The following FBXW12 variants were observed in gnomAD, a reference collection of about 807,000 sequenced individuals.
The protein encoded by FBXW12 is F-box and WD repeat domain containing 12.
FBXW12 carries 43 observed loss-of-function variants against 55.3 expected under a neutral mutation model. The ratio of observed to expected loss-of-function variants is 0.78; its 90% CI spans 0.61 to 1.00. The LOEUF is 1.00. FBXW12 is among the 50% of genes least tolerant of loss of function. The probability of loss-of-function intolerance (pLI) is 0.00; values close to 1 mark genes in which losing one functional copy is unlikely to be tolerated. For missense variants in FBXW12, 524 were observed against 560.5 expected (o/e 0.93, Z 0.66); for synonymous variants, 184 against 203.8 (o/e 0.90, Z 0.83).
At chr3:48,381,391 T>C (rs1169743073) in intron 8 of FBXW12, among the ~76,000 whole-genome samples, 1 of 152,110 alleles carries the variant, frequency 6.6e-6, no homozygotes, top group East Asian at 1.9e-4. Context: ...TGCTGATCTC[T>C]ACCCCCACCC....
intron 7 of FBXW12, 94 bp from the exon 8 acceptor site, chr3:48,380,608 A>T: frequency 1.1e-6 from 1 of 896,086 alleles, no homozygotes; most frequent in Non-Finnish European, 1.8e-6. Context: ...TGGCCACAAG[A>T]TGAGAATTTC....
At position 48,373,721 on chromosome 3, in the gene FBXW12, C is replaced by T. The variant is rs912241569; in HGVS notation, c.286+16C>T. The stretch of plus-strand genomic sequence containing the variant: ...AAGAACATCGGTATGGGTATAGGTG[C>T]CCTAGAGGAACATGAGCAGCTTGTT... On this transcript the variant is annotated intron_variant, in intron 4 of 10. Coordinates refer to ENST00000296438, the MANE Select transcript of FBXW12 (RefSeq NM_207102.2). 10 of 1,600,744 alleles carry T rather than the reference C, an allele frequency of 6.2e-6. No homozygotes were observed. The highest frequency in any genetic ancestry group is 1.7e-4 in the Middle Eastern group (1 of 6,040).
chr3:48,373,748 T>C, intron 4 of FBXW12, 43 bp downstream of exon 4: 3 of 1,550,844 alleles, frequency 1.9e-6, no homozygotes, highest in Non-Finnish European at 2.7e-6. Context: ...CAGCTTGTTT[T>C]CAGAGGTCCA....
chr3:48,381,855 G>T lies in FBXW12; in HGVS notation c.1141G>T (p.Ala381Ser). 6.2e-7 allele frequency: 1 copy of T among 1,607,764 alleles called. No individual in the cohort carries two copies. Residue 381 changes from alanine (A) to serine (S), a missense_variant, in exon 9 of 11, where the codon GCA (alanine) becomes TCA (serine). Coordinates refer to ENST00000296438, the MANE Select transcript of FBXW12 (RefSeq NM_207102.2). The stretch of plus-strand genomic sequence containing the variant: ...GCTGCAACGATTTGAGGACCATCAG[G>T]CAGCCATCAACAACTTCTGGGTGGT... ...FLLQRFEDHQ[A>S]AINNFWVDPC...
chr3:48,383,883 G>A (rs1453067787), intron 10 of FBXW12, among the ~76,000 whole-genome samples: 1 of 152,144 alleles, frequency 6.6e-6, no homozygotes, highest in African/African-American at 2.4e-5. Flanking sequence ...ACATGGGTTA[G>A]TTTTGAGACT....
Position 48,381,975 on chromosome 3 carries a change from C to G in FBXW12, c.1185C>G (p.Thr395=), listed in dbSNP as rs770722915. 44 of 1,614,060 alleles carry G rather than the reference C, an allele frequency of 2.7e-5. No individual in the cohort carries two copies. The highest frequency in any genetic ancestry group is 5.0e-5 in the Admixed American group (3 of 60,002). ...GGAAGGATCCTTGCTATGTGCTCAC[C>G]ACATCCGAGAACTCTGTGCACGTGT... ...NFWVDPCYVL[T]TSENSVHVYM... Residue 395 remains threonine, a synonymous_variant, in exon 10 of 11, where the codon ACC becomes ACG. Coordinates refer to ENST00000296438, the MANE Select transcript of FBXW12 (RefSeq NM_207102.2).
At chr3:48,391,353 C>CATAT (rs1247795372) in intron 10 of FBXW12, among the ~76,000 whole-genome samples, 1 of 133,726 alleles carries the variant, frequency 7.5e-6, no homozygotes, top group African/African-American at 2.8e-5. Flanking sequence ...CACACACACA[C>CATAT]ACATATATAT....
chr3:48,373,655 T>C lies in FBXW12; in HGVS notation c.236T>C (p.Leu79Ser). Residue 79 changes from leucine to serine, a missense_variant, in exon 4 of 11, where the codon TTG (leucine) becomes TCG (serine). Coordinates refer to ENST00000296438, the MANE Select transcript of FBXW12 (RefSeq NM_207102.2). ...CATCAAAGAAGGAAGGAGCTTCGGTTGGCATTGGCACAGCCGCATAACTTT... is the reference window on the plus strand; with the variant it reads ...CATCAAAGAAGGAAGGAGCTTCGGTCGGCATTGGCACAGCCGCATAACTTT... ...FLHQRRKELR[L>S]ALAQPHNFIY... The C allele has an allele frequency of 6.2e-7, 1 of 1,614,164 alleles. No individual in the cohort carries two copies. The highest frequency in any genetic ancestry group is 8.5e-7 in the Non-Finnish European group (1 of 1,180,026).
At chr3:48,373,367 G>C in intron 3 of FBXW12, 22 bp downstream of exon 3, 1 of 1,614,148 alleles carries the variant, frequency 6.2e-7, no homozygotes, top group Non-Finnish European at 8.5e-7. Context: ...GAAAGGGCAA[G>C]GAGGGAAGGG....
At chr3:48,382,358 G>A (rs985578012) in intron 10 of FBXW12, among the ~76,000 whole-genome samples, 8 of 152,142 alleles carry the variant, frequency 5.3e-5, no homozygotes, top group African/African-American at 1.4e-4. Context: ...CTCGTGATCC[G>A]CCCGCCTTGG....
intron 5 of FBXW12, among the ~76,000 whole-genome samples, chr3:48,376,074 C>T (rs572059485): frequency 3.3e-5 from 5 of 150,078 alleles, no homozygotes; most frequent in African/African-American, 9.8e-5. Flanking sequence ...CTCCGCCTCC[C>T]GAGTTCAAGC....
intron 10 of FBXW12, among the ~76,000 whole-genome samples, chr3:48,382,461 T>TG (rs35484674): frequency 3.8e-5 from 2 of 52,464 alleles, no homozygotes; most frequent in Non-Finnish European, 1.0e-4. Flanking sequence ...AAAACAGGGG[T>TG]TTTTTTTTTT....
intron 5 of FBXW12, among the ~76,000 whole-genome samples, chr3:48,376,217 A>C (rs944021087): frequency 6.6e-6 from 1 of 151,716 alleles, no homozygotes; most frequent in African/African-American, 2.4e-5. Context: ...TCTGGCCTCA[A>C]GTGATCTGCC....
intron 10 of FBXW12, among the ~76,000 whole-genome samples, chr3:48,390,712 C>A (rs143513566): frequency 6.6e-6 from 1 of 152,000 alleles, no homozygotes; most frequent in Non-Finnish European, 1.5e-5. Flanking sequence ...CCACATCTGG[C>A]CTATGATTGC....
Position 48,380,829 on chromosome 3 carries a change from C to G in FBXW12, c.902C>G (p.Ser301Cys). 6.2e-7 allele frequency: 1 copy of G among 1,614,144 alleles called. No individual in the cohort carries two copies. The highest frequency in any genetic ancestry group is 1.3e-5 in the African/African-American group (1 of 75,022). Residue 301 changes from serine (S) to cysteine (C), a missense_variant, in exon 8 of 11, where the codon TCC (serine) becomes TGC (cysteine). By Grantham distance (112) the Ser-to-Cys change is moderately radical. Coordinates refer to ENST00000296438, the MANE Select transcript of FBXW12 (RefSeq NM_207102.2). ...PKVKNRITLM[S>C]QSSTGKKTEF... Reference sequence around the variant, plus strand: ...GTGAAAAACAGGATAACACTGATGTCCCAAAGTAGCACTGGAAAAAAGACA... The same window carrying G: ...GTGAAAAACAGGATAACACTGATGTGCCAAAGTAGCACTGGAAAAAAGACA...
At chr3:48,376,135 C>T (rs58140044) in intron 5 of FBXW12, among the ~76,000 whole-genome samples, 2,001 of 151,922 alleles carry the variant, frequency 0.013, 38 homozygotes, top group African/African-American at 0.045. Context: ...GCGCGCGCCA[C>T]GATGCCCAGC....
chr3:48,375,177 A>G (rs888602297), intron 4 of FBXW12, among the ~76,000 whole-genome samples, 177 bp from the exon 5 acceptor site: 9 of 152,150 alleles, frequency 5.9e-5, no homozygotes, highest in Admixed American at 5.9e-4. Flanking sequence ...ACATCTCCCA[A>G]ATGGCCAGTC....
intron 2 of FBXW12, 67 bp from the exon 3 acceptor site, chr3:48,373,241 G>A: frequency 6.2e-7 from 1 of 1,611,588 alleles, no homozygotes; most frequent in African/African-American, 1.3e-5. Context: ...ACAAATAATA[G>A]CAGAGGATTA....
chr3:48,383,640 T>G (rs2036808773), intron 10 of FBXW12, among the ~76,000 whole-genome samples: 1 of 152,216 alleles, frequency 6.6e-6, no homozygotes, highest in Non-Finnish European at 1.5e-5. Context: ...CTATGAAATC[T>G]TTGCCTAACC....
Sources: gnomAD v4.1 joint callset for allele counts (sites outside exome capture counted in the v4.1 genomes callset) on GRCh38, gnomAD v4.1.1 for gene constraint, MANE v1.5 for transcripts, NCBI Gene and HGNC (gene_info 2026-07-23, HGNC 2026-07-21) for gene names.